The following CDHR2 variants were observed in gnomAD, a reference collection of about 807,000 sequenced individuals.
CDHR2 encodes the protein cadherin related family member 2.
In CDHR2, 104 loss-of-function variants were observed where a neutral mutation model predicts 138.6. The ratio of observed to expected loss-of-function variants is 0.75; its 90% CI spans 0.64 to 0.88. The LOEUF is 0.88. Among genes scored for constraint, CDHR2 ranks in the 40% least tolerant of loss-of-function variants. The pLI is 0.00. For synonymous variants in CDHR2, 755 were observed against 742.8 expected (o/e 1.02, Z -0.27); for missense variants, 1,624 against 1,727.6 (o/e 0.94, Z 1.06).
chr5:176,582,317 G>T (rs1326546344), intron 17 of CDHR2, among the ~76,000 whole-genome samples: 4 of 152,138 alleles, frequency 2.6e-5, no homozygotes, highest in Non-Finnish European at 4.4e-5. Context: ...ACCATGCCTG[G>T]CTAATTTGGC....
At chr5:176,555,143 A>G (rs1216707942) in intron 1 of CDHR2, among the ~76,000 whole-genome samples, 1 of 152,194 alleles carries the variant, frequency 6.6e-6, no homozygotes, top group Non-Finnish European at 1.5e-5. Context: ...CCAGCTTCCC[A>G]TGATTATAAA....
intron 1 of CDHR2, 84 bp from the exon 2 acceptor site, chr5:176,565,254 C>T: frequency 2.1e-6 from 2 of 944,246 alleles, no homozygotes; most frequent in Non-Finnish European, 3.5e-6. Flanking sequence ...GGTGGGTGGG[C>T]TCAGGTCAGA....
In CDHR2 at chr5:176,568,788, G is replaced by C. The variant is rs1454496209; in HGVS notation, c.235G>C (p.Val79Leu). 1 of 1,614,210 alleles carries C rather than the reference G, an allele frequency of 6.2e-7. No individual in the cohort carries two copies. The highest frequency in any genetic ancestry group is 1.1e-5 in the South Asian group (1 of 91,090). Residue 79 changes from valine (V) to leucine (L), a missense_variant, in exon 4 of 32, where the codon GTG (valine) becomes CTG (leucine). By Grantham distance (32) the Val-to-Leu change is conservative. Transcript: ENST00000261944. Reference sequence around the variant, plus strand: ...CGCTGTCACTCCGAAAACTGGGGAAGTGAAGCTGGCCAGCGCTCTGGACTA... The same window carrying C: ...CGCTGTCACTCCGAAAACTGGGGAACTGAAGCTGGCCAGCGCTCTGGACTA... ...FFAVTPKTGEVKLASALDYET... is the reference protein window; with the variant it reads ...FFAVTPKTGELKLASALDYET...
rs1417455796 is a variant in CDHR2, at chr5:176,543,905, CCT to C, written c.-16+1137_-16+1138del. 1.3e-5 allele frequency among the ~76,000 whole-genome samples: 2 copies of C among 152,232 alleles called. No individual in the cohort carries two copies. The highest frequency in any genetic ancestry group is 2.9e-5 in the Non-Finnish European group (2 of 68,044). ...GGGAGGGATTACGTTCCCCGCAACC[CCT>C]GTGTCCCCATCGCTAGAGCCAACCT... On this transcript the variant is annotated intron_variant, in intron 1 of 31. Transcript: ENST00000510636. This position sits in a 1 kb window ranked among gnomAD's most constrained non-coding sequence, Gnocchi z 4.0.
At chr5:176,588,489 G>C (rs1581149300) in intron 21 of CDHR2, among the ~76,000 whole-genome samples, 1 of 141,800 alleles carries the variant, frequency 7.1e-6, no homozygotes, top group Admixed American at 6.9e-5. Flanking sequence ...GAGAGGATAA[G>C]TGTGTGAGGG....
At position 176,595,677 on chromosome 5, in the gene CDHR2, G is replaced by A; in HGVS notation, c.*5G>A. The A allele has an allele frequency of 6.3e-7, 1 of 1,578,552 alleles. No individual in the cohort carries two copies. Among genetic ancestry groups the A allele is most frequent in the Non-Finnish European group, 8.6e-7 (1 of 1,161,594 alleles). Reference sequence around the variant, plus strand: ...CTGGACACCACGGACCTGTGACAGGGGCCCCCACTCTTCTGGACCCCTTGA... The same window carrying A: ...CTGGACACCACGGACCTGTGACAGGAGCCCCCACTCTTCTGGACCCCTTGA... On this transcript the variant is annotated 3_prime_UTR_variant, in exon 32 of 32. Coordinates refer to ENST00000261944, the MANE Select transcript of CDHR2 (RefSeq NM_017675.6).
chr5:176,590,752 G>C, intron 28 of CDHR2, 65 bp downstream of exon 28: 2 of 1,605,458 alleles, frequency 1.2e-6, no homozygotes, highest in Admixed American at 1.7e-5. Flanking sequence ...GACGTCGGGG[G>C]GTAGGGGTAG....
Position 176,574,075 on chromosome 5 carries a change from C to A in CDHR2, c.406-8C>A. The A allele has an allele frequency of 6.2e-7, 1 of 1,611,890 alleles. No individual in the cohort carries two copies. The highest frequency in any genetic ancestry group is 8.5e-7 in the Non-Finnish European group (1 of 1,178,378). ...TTGAGCTCATAGGTGACGAGTCCCTCCCTGCAGACCCTGCCCGTGGGCAGT... is the reference window on the plus strand; with the variant it reads ...TTGAGCTCATAGGTGACGAGTCCCTACCTGCAGACCCTGCCCGTGGGCAGT... On this transcript the variant is annotated splice_polypyrimidine_tract_variant and splice_region_variant and intron_variant, in intron 6 of 31. Transcript: ENST00000261944.
chr5:176,547,793 C>G (rs1190104899), upstream of CDHR2: 1 of 152,236 alleles, frequency 6.6e-6, no homozygotes, highest in Admixed American at 6.5e-5. Context: ...CTTGACTTCC[C>G]TTCATCTGGG....
Position 176,584,756 on chromosome 5 carries a change from C to T in CDHR2, c.2475C>T (p.His825=), listed in dbSNP as rs180931810. Residue 825 remains histidine (H), a synonymous_variant, in exon 19 of 32, where the codon CAC becomes CAT. Coordinates refer to ENST00000261944, the MANE Select transcript of CDHR2 (RefSeq NM_017675.6). The part of the protein sequence containing the change: ...GIRVAENGSQ[H]GQVAVVVASD... The stretch of plus-strand genomic sequence containing the variant: ...GTGTGGCTGAGAATGGCTCACAGCA[C>T]GGCCAGGTGGCTGTGGTGGTTGCCT... The T allele has an allele frequency of 1.0e-4, 166 of 1,614,198 alleles. No individual in the cohort carries two copies. Among genetic ancestry groups the T allele is most frequent in the African/African-American group, 5.6e-4 (42 of 75,064 alleles).
Position 176,589,332 on chromosome 5 carries a change from C to T in CDHR2, c.3011C>T (p.Pro1004Leu), listed in dbSNP as rs371676123. Residue 1004 changes from proline (P) to leucine (L), a missense_variant and splice_region_variant, in exon 23 of 32, where the codon CCG becomes CTG. Physicochemically the swap from Pro to Leu is moderately conservative, Grantham distance 98. Around this residue, in one of 3 missense-constraint regions of CDHR2, gnomAD observed 556 missense variants for 565.7 expected, o/e 0.98. Coordinates refer to ENST00000261944, the MANE Select transcript of CDHR2 (RefSeq NM_017675.6). ...CCTGCGCCTCCCGCCTTCCGCAGGCCGGTGACCAGCCTCGACTCCACTCTC... is the reference window on the plus strand; with the variant it reads ...CCTGCGCCTCCCGCCTTCCGCAGGCTGGTGACCAGCCTCGACTCCACTCTC... The part of the protein sequence containing the change: ...EADVFAGSIQ[P>L]VTSLDSTLQG... The T allele has an allele frequency of 6.9e-5, 108 of 1,554,774 alleles. No homozygotes were observed. The highest frequency in any genetic ancestry group is 1.4e-4 in the South Asian group (11 of 80,274).
At chr5:176,569,376 T>C (rs370845954) in intron 5 of CDHR2, among the ~76,000 whole-genome samples, 183 of 151,144 alleles carry the variant, frequency 1.2e-3, no homozygotes, top group Middle Eastern at 0.01. Context: ...CTCCGCCTCC[T>C]GGGTTGACGC....
At chr5:176,556,355 C>T (rs113001903) in intron 1 of CDHR2, among the ~76,000 whole-genome samples, 210 of 152,234 alleles carry the variant, frequency 1.4e-3, no homozygotes, top group African/African-American at 4.7e-3. Flanking sequence ...GGTGACAGAG[C>T]AAGACCTTGT....
chr5:176,570,029 G>C (rs1758187518), intron 5 of CDHR2, among the ~76,000 whole-genome samples: 1 of 151,992 alleles, frequency 6.6e-6, no homozygotes, highest in Non-Finnish European at 1.5e-5. Flanking sequence ...TCCCACTGAA[G>C]TGTTGACCGT....
intron 1 of CDHR2, among the ~76,000 whole-genome samples, chr5:176,550,335 G>C (rs537311742): frequency 6.6e-6 from 1 of 152,382 alleles, no homozygotes; most frequent in South Asian, 2.1e-4. Context: ...GTATGTGTCT[G>C]CTGGGCCAGG....
rs1432326787 is a variant in CDHR2, at chr5:176,591,756, GATGGTGATGATGA to G, written c.3734+273_3734+285del. The G allele has an allele frequency of 1.1e-5, 2 of 180,782 alleles. 1 individual carries two copies. The allele number at this position is 180,782 out of a possible 1,614,324, so 11.2% of individuals were successfully genotyped here. A position where few individuals can be genotyped will look rare whatever the true frequency, so the allele number is the denominator to read the frequency against. ...TGGTTGTGATGGTGATGGTGGTGAT[GATGGTGATGATGA>G]CGATGGTGGTGGTGGTGGTGGTGTT... On this transcript the variant is annotated intron_variant, in intron 30 of 31. Coordinates refer to ENST00000261944, the MANE Select transcript of CDHR2 (RefSeq NM_017675.6).
chr5:176,567,805 T>G (rs1266945978), intron 3 of CDHR2, among the ~76,000 whole-genome samples: 1 of 152,248 alleles, frequency 6.6e-6, no homozygotes, highest in Non-Finnish European at 1.5e-5. Context: ...ATTTTTAAAT[T>G]TTTTTGTATA....
At chr5:176,555,774 G>C (rs1034715466) in intron 1 of CDHR2, among the ~76,000 whole-genome samples, 9 of 103,580 alleles carry the variant, frequency 8.7e-5, no homozygotes, top group Non-Finnish European at 4.9e-5. Context: ...AGGTGTGGTG[G>C]CTCACGCCTG....
intron 22 of CDHR2, 51 bp downstream of exon 22, chr5:176,589,233 A>C (rs898176125): frequency 3.1e-6 from 5 of 1,608,424 alleles, no homozygotes; most frequent in Non-Finnish European, 4.2e-6. Context: ...GCCCGATAGG[A>C]GCTTTCAGGC....
Sources: gnomAD v4.1 joint callset for allele counts (sites outside exome capture counted in the v4.1 genomes callset) on GRCh38, gnomAD v4.1.1 for gene constraint, gnomAD v4.1.1 regional missense constraint, Gnocchi (gnomAD v3.1) non-coding constraint, MANE v1.5 for transcripts, NCBI Gene and HGNC (gene_info 2026-07-23, HGNC 2026-07-21) for gene names.